The following SHC3 variants were observed in gnomAD, a reference collection of about 807,000 sequenced individuals.
SHC3 encodes SHC-transforming protein 3.
In SHC3, 15 loss-of-function variants were observed where a neutral mutation model predicts 60.4. The ratio of observed to expected loss-of-function variants is 0.25; its 90% CI spans 0.17 to 0.38. The LOEUF is 0.38. SHC3 is among the 10% of genes least tolerant of loss of function. The probability of loss-of-function intolerance (pLI) is 1.00; values close to 1 mark genes in which losing one functional copy is unlikely to be tolerated. For missense variants in SHC3, 677 were observed against 786.1 expected (o/e 0.86, Z 1.66); for synonymous variants, 294 against 325.9 (o/e 0.90, Z 1.05).
chr9:89,147,110 A>G (rs1277764786), intron 1 of SHC3, among the ~76,000 whole-genome samples: 1 of 152,136 alleles, frequency 6.6e-6, no homozygotes, highest in Non-Finnish European at 1.5e-5. Context: ...TCGCATAGAA[A>G]TGAGAATAGA....
At chr9:89,126,185 G>A (rs1305118544) in intron 1 of SHC3, among the ~76,000 whole-genome samples, 1 of 152,138 alleles carries the variant, frequency 6.6e-6, no homozygotes. Flanking sequence ...TTGGGTAAAG[G>A]ATGAGATAGG....
At chr9:89,089,319 A>G (rs762968578) in intron 2 of SHC3, among the ~76,000 whole-genome samples, 4 of 152,264 alleles carry the variant, frequency 2.6e-5, no homozygotes, top group Non-Finnish European at 4.4e-5. Flanking sequence ...GTGAGACAGA[A>G]TAAAATTTCT....
At chr9:89,146,684 G>T (rs1308209755) in intron 1 of SHC3, among the ~76,000 whole-genome samples, 1 of 152,180 alleles carries the variant, frequency 6.6e-6, no homozygotes, top group Non-Finnish European at 1.5e-5. Flanking sequence ...CCTACCTTCA[G>T]ATGTCAGAAC....
chr9:89,107,778 A>T (rs1021046039), intron 2 of SHC3, among the ~76,000 whole-genome samples: 4 of 152,206 alleles, frequency 2.6e-5, no homozygotes, highest in African/African-American at 9.6e-5. Context: ...CTCTGTTCTA[A>T]TTCCGAAATT....
intron 6 of SHC3, among the ~76,000 whole-genome samples, chr9:89,060,608 G>A (rs1231904903): frequency 2.6e-5 from 4 of 152,008 alleles, no homozygotes; most frequent in African/African-American, 7.3e-5. Context: ...GGGATCATAG[G>A]AAGTGAGACG....
rs114725897 is a variant in SHC3, at chr9:89,109,876, C to T, written c.545+2680G>A. 3.2e-4 allele frequency: 317 copies of T among 985,500 alleles called. No individual in the cohort carries two copies. In the African/African-American group the frequency reaches 5.0e-3, roughly 16 times the overall value. 61.0% of individuals were successfully genotyped at this position (985,500 alleles called of 1,614,324 possible). A position where few individuals can be genotyped will look rare whatever the true frequency, so the allele number is the denominator to read the frequency against. Reference sequence around the variant, plus strand: ...TCTAAGCAAAGTCTCTCCCATGAAACATCCAACAGAAAAGTATGCAATTTC... The same window carrying T: ...TCTAAGCAAAGTCTCTCCCATGAAATATCCAACAGAAAAGTATGCAATTTC... On this transcript the variant is annotated intron_variant, in intron 2 of 11. Transcript: ENST00000375835.
intron 1 of SHC3, among the ~76,000 whole-genome samples, chr9:89,129,494 G>A (rs1213715747): frequency 6.6e-6 from 1 of 152,162 alleles, no homozygotes; most frequent in Non-Finnish European, 1.5e-5. Context: ...AATATGTTAA[G>A]GGCAGCCAGA....
At chr9:89,077,988 A>G (rs910458328) in intron 2 of SHC3, 85 bp from the exon 3 acceptor site, 10 of 1,447,962 alleles carry the variant, frequency 6.9e-6, no homozygotes, top group Middle Eastern at 3.5e-4. Flanking sequence ...CATCCAAAGA[A>G]AATAACTGCC....
At chr9:89,090,129 A>G (rs1368667318) in intron 2 of SHC3, among the ~76,000 whole-genome samples, 1 of 152,068 alleles carries the variant, frequency 6.6e-6, no homozygotes, top group Non-Finnish European at 1.5e-5. Context: ...TGTTGCCCTT[A>G]CTCCAAGGTG....
chr9:89,014,544 C>T (rs1437991854), intron 11 of SHC3, among the ~76,000 whole-genome samples: 1 of 152,182 alleles, frequency 6.6e-6, no homozygotes, highest in East Asian at 1.9e-4. Flanking sequence ...GCTTTGCTCT[C>T]CAGCCTTAGC....
intron 11 of SHC3, among the ~76,000 whole-genome samples, chr9:89,021,095 C>T (rs1166837989): frequency 1.3e-5 from 2 of 152,238 alleles, no homozygotes; most frequent in Non-Finnish European, 2.9e-5. Context: ...TTGCACCAGC[C>T]TTCTGGAACA....
rs1824872176 is a variant in SHC3 at position 89,052,151 on chromosome 9, A to C, written c.848T>G (p.Leu283Trp). 1 of 1,613,678 alleles carries C rather than the reference A, an allele frequency of 6.2e-7. No homozygotes were observed. The highest frequency in any genetic ancestry group is 1.3e-5 in the African/African-American group (1 of 74,938). Reference protein sequence around the residue: ...DPVNRRACHILECCDGLAQDV... With the variant: ...DPVNRRACHIWECCDGLAQDV... ...CTGGGCCAGCCCATCACAGCATTCC[A>C]AAATGTGACAAGCTGGGAAAGCAAG... The change falls in exon 7 of 12, where the codon TTG becomes TGG. Residue 283 changes from leucine to tryptophan, a missense_variant. By Grantham distance (61) the Leu-to-Trp change is moderately conservative. Coordinates refer to ENST00000375835, the MANE Select transcript of SHC3 (RefSeq NM_016848.6).
At chr9:89,091,889 G>T (rs1825626830) in intron 2 of SHC3, among the ~76,000 whole-genome samples, 1 of 152,010 alleles carries the variant, frequency 6.6e-6, no homozygotes, top group Non-Finnish European at 1.5e-5. Context: ...TACAAAATAT[G>T]CAAAAACTCC....
chr9:89,153,098 T>C (rs1826566661), intron 1 of SHC3, among the ~76,000 whole-genome samples: 1 of 152,212 alleles, frequency 6.6e-6, no homozygotes, highest in South Asian at 2.1e-4. Context: ...AGCTGATTAT[T>C]TAAGGTTTTG....
chr9:89,166,212 C>G (rs961786664), intron 1 of SHC3, among the ~76,000 whole-genome samples: 1 of 152,166 alleles, frequency 6.6e-6, no homozygotes, highest in African/African-American at 2.4e-5. Flanking sequence ...CTGGGAGAAG[C>G]CATCCTTGAT....
At chr9:89,176,015 G>A (rs1281712756) in intron 1 of SHC3, among the ~76,000 whole-genome samples, 1 of 152,182 alleles carries the variant, frequency 6.6e-6, no homozygotes, top group East Asian at 1.9e-4. Context: ...GGACAGCAGA[G>A]GACAATGCCT....
chr9:89,048,241 TAA>T (rs34217569), intron 7 of SHC3, among the ~76,000 whole-genome samples: 2,559 of 133,908 alleles, frequency 0.019, 76 homozygotes, highest in African/African-American at 0.065. Context: ...AAGACTCCAT[TAA>T]AAAAAAAAAA....
At chr9:89,044,094 T>A (rs999860867) in intron 9 of SHC3, among the ~76,000 whole-genome samples, 1 of 152,230 alleles carries the variant, frequency 6.6e-6, no homozygotes, top group African/African-American at 2.4e-5. Flanking sequence ...AGGCCTATTT[T>A]AAAATAAACC....
At chr9:89,139,144 T>C (rs569240777) in intron 1 of SHC3, among the ~76,000 whole-genome samples, 3 of 152,316 alleles carry the variant, frequency 2.0e-5, no homozygotes, top group African/African-American at 7.2e-5. Flanking sequence ...ATTAGAATAT[T>C]GATTTTATCC....
Sources: allele counts gnomAD v4.1 joint callset (sites outside exome capture counted in the v4.1 genomes callset), GRCh38; gene constraint gnomAD v4.1.1; transcripts MANE v1.5; gene names NCBI Gene and HGNC (gene_info 2026-07-23, HGNC 2026-07-21).